Variants in NRG1 observed in about 807,000 individuals in gnomAD.
NRG1 encodes the protein neuregulin 1.
A neutral mutation model predicts 63.8 loss-of-function variants in NRG1; 18 were observed. The observed-to-expected ratio is 0.28, with a 90% confidence interval of 0.19 to 0.42. The LOEUF is 0.42. Among genes scored for constraint, NRG1 ranks in the 10% least tolerant of loss-of-function variants. NRG1 has a pLI of 1.00. For missense variants in NRG1, 762 were observed against 814.7 expected, an observed-to-expected ratio of 0.94 and a Z score of 0.79; for synonymous variants, 302 against 301.3, an observed-to-expected ratio of 1.00 and a Z score of -0.02.
rs61713691 is a variant in NRG1 at position 31,947,306 on chromosome 8, C to CA, written c.37+307901dup. Among the ~76,000 whole-genome samples the CA allele has an allele frequency of 5.3e-3, 704 of 132,562 alleles. 30 individuals are homozygous for CA. Among genetic ancestry groups the CA allele is most frequent in the East Asian group, 0.018 (57 of 3,134 alleles). 87.0% of individuals were successfully genotyped at this position (132,562 alleles called of 152,430 possible). ...TGGGCGACAGAGTGAGACTCCGTCTCAAAAAAAAAAAAAAAAAAAAAAAAA... is the reference window on the plus strand; with the variant it reads ...TGGGCGACAGAGTGAGACTCCGTCTCAAAAAAAAAAAAAAAAAAAAAAAAAA... On this transcript the variant is annotated intron_variant, in intron 1 of 10. Coordinates refer to the NRG1 transcript ENST00000519301.
intron 1 of NRG1, among the ~76,000 whole-genome samples, chr8:32,517,028 A>G (rs891660736): frequency 7.2e-5 from 11 of 152,218 alleles, no homozygotes; most frequent in Non-Finnish European, 1.5e-4. Context: ...AAGAAATTCT[A>G]TAAGTAAAAA....
intron 1 of NRG1, among the ~76,000 whole-genome samples, chr8:32,191,705 G>C (rs554532419): frequency 6.6e-6 from 1 of 152,326 alleles, no homozygotes; most frequent in South Asian, 2.1e-4. Flanking sequence ...GGAAGACAGA[G>C]GAGAGAGTGT....
chr8:32,658,078 C>T (rs576000243), intron 5 of NRG1, among the ~76,000 whole-genome samples: 3 of 152,300 alleles, frequency 2.0e-5, no homozygotes, highest in Admixed American at 6.5e-5. Context: ...TGACCAGTAA[C>T]TTTAGTCTTG....
At chr8:32,132,048 G>A (rs914146517) in intron 1 of NRG1, among the ~76,000 whole-genome samples, 8 of 152,122 alleles carry the variant, frequency 5.3e-5, no homozygotes, top group African/African-American at 1.4e-4. Flanking sequence ...TATTTGGACA[G>A]TTTTGGCAAT....
At chr8:32,328,664 GTAATTTT>G (rs1425593159) in intron 1 of NRG1, among the ~76,000 whole-genome samples, 1 of 152,086 alleles carries the variant, frequency 6.6e-6, no homozygotes, top group African/African-American at 2.4e-5. Flanking sequence ...AGCAGAAAAT[GTAATTTT>G]TTTAAGATGA....
At chr8:32,255,392 G>A (rs1241133728) in intron 1 of NRG1, among the ~76,000 whole-genome samples, 1 of 152,122 alleles carries the variant, frequency 6.6e-6, no homozygotes, top group Non-Finnish European at 1.5e-5. Context: ...ACCTGGTGGT[G>A]GCAAAACCTC....
At chr8:32,427,446 C>T (rs906769126) in intron 1 of NRG1, among the ~76,000 whole-genome samples, 6 of 152,264 alleles carry the variant, frequency 3.9e-5, no homozygotes, top group South Asian at 2.1e-4. Context: ...AAAGATGTGA[C>T]GGCTGCCTTT....
intron 1 of NRG1, chr8:31,639,881 G>T: frequency 9.2e-7 from 1 of 1,086,406 alleles, no homozygotes; most frequent in Non-Finnish European, 1.1e-6. Flanking sequence ...GGGCAAGGGG[G>T]GAGGAGGAGG....
intron 1 of NRG1, among the ~76,000 whole-genome samples, chr8:32,128,150 A>G (rs1000396868): frequency 8.6e-5 from 13 of 151,922 alleles, no homozygotes; most frequent in Admixed American, 3.9e-4. Context: ...TTCCTCCCTG[A>G]ACCTGGGAAC....
intron 1 of NRG1, among the ~76,000 whole-genome samples, chr8:32,576,869 T>C (rs186428091): frequency 6.6e-6 from 1 of 152,300 alleles, no homozygotes; most frequent in East Asian, 1.9e-4. Context: ...GTTTGTCATA[T>C]GAGTGATATT....
At chr8:32,357,593 G>A (rs1806613923) in intron 1 of NRG1, among the ~76,000 whole-genome samples, 1 of 152,138 alleles carries the variant, frequency 6.6e-6, no homozygotes. Flanking sequence ...TTACGTAATT[G>A]TGTGGCCATT....
In NRG1 at chr8:32,690,805, C is replaced by CA. The variant is rs1287118182; in HGVS notation, c.503-37143dup. On this transcript the variant is annotated intron_variant, in intron 5 of 11. Coordinates refer to ENST00000356819, the Ensembl canonical transcript of NRG1. ...TTGGTACTTAGGCTGAGCTGGTGAT[C>CA]ACAAAGGAAAGAATTAGAAATTTAA... 2.8e-4 allele frequency among the ~76,000 whole-genome samples: 42 copies of CA among 151,686 alleles called. 1 individual carries two copies. The highest frequency in any genetic ancestry group is 2.8e-3 in the Admixed American group (42 of 15,210).
At chr8:31,915,164 TC>T (rs1162456254) in intron 1 of NRG1, among the ~76,000 whole-genome samples, 4 of 152,066 alleles carry the variant, frequency 2.6e-5, no homozygotes, top group African/African-American at 9.7e-5. Flanking sequence ...CTGCCATTTA[TC>T]TGAGGACTGG....
At chr8:32,675,368 C>T (rs2128904066) in intron 5 of NRG1, among the ~76,000 whole-genome samples, 1 of 152,272 alleles carries the variant, frequency 6.6e-6, no homozygotes, top group East Asian at 1.9e-4. Flanking sequence ...AGACTCCTTA[C>T]ACATTAATTA....
intron 1 of NRG1, among the ~76,000 whole-genome samples, chr8:32,552,458 C>T (rs1312026411): frequency 5.9e-5 from 9 of 152,064 alleles, no homozygotes; most frequent in Non-Finnish European, 1.0e-4. Context: ...CATTGAGAAA[C>T]CTAGTATCCC....
At chr8:31,710,382 T>C (rs955860803) in intron 1 of NRG1, among the ~76,000 whole-genome samples, 2 of 151,962 alleles carry the variant, frequency 1.3e-5, no homozygotes, top group Non-Finnish European at 2.9e-5. Context: ...AGATAGGTCT[T>C]TTTATTTCTA....
At chr8:32,582,357 C>T (rs1348638743) in intron 1 of NRG1, among the ~76,000 whole-genome samples, 1 of 152,162 alleles carries the variant, frequency 6.6e-6, no homozygotes, top group East Asian at 1.9e-4. Context: ...CTCAGCCTCC[C>T]AAAGGGCTGG....
intron 1 of NRG1, among the ~76,000 whole-genome samples, chr8:32,464,098 G>C (rs1157560371): frequency 2.0e-5 from 3 of 151,326 alleles, no homozygotes; most frequent in Non-Finnish European, 4.4e-5. Flanking sequence ...GTTTCACCGT[G>C]TTGGCCAGGA....
intron 1 of NRG1, among the ~76,000 whole-genome samples, chr8:31,856,488 A>T (rs1055380513): frequency 1.3e-5 from 2 of 151,916 alleles, no homozygotes; most frequent in African/African-American, 4.8e-5. Flanking sequence ...ACTTCTCTGT[A>T]TTGGTTATTC....
Sources: gnomAD v4.1 joint callset for allele counts (sites outside exome capture counted in the v4.1 genomes callset) on GRCh38, gnomAD v4.1.1 for gene constraint, MANE v1.5 for transcripts, NCBI Gene and HGNC (gene_info 2026-07-23, HGNC 2026-07-21) for gene names.